The following LRPPRC variants were observed in gnomAD, a reference collection of about 807,000 sequenced individuals.
LRPPRC encodes leucine-rich PPR motif-containing protein, mitochondrial.
A neutral mutation model predicts 180.3 loss-of-function variants in LRPPRC; 120 were observed. The observed-to-expected ratio is 0.67, with a 90% CI of 0.57 to 0.77. LRPPRC has a LOEUF of 0.77. Among genes scored for constraint, LRPPRC ranks in the 30% least tolerant of loss-of-function variants. The pLI is 0.00. For synonymous variants in LRPPRC, 723 were observed against 600.0 expected (o/e 1.21, Z -3.00); for missense variants, 2,012 against 1,657.2 (o/e 1.21, Z -3.72).
intron 27 of LRPPRC, among the ~76,000 whole-genome samples, chr2:43,924,724 C>T (rs1004729241): frequency 6.6e-6 from 1 of 152,016 alleles, no homozygotes; most frequent in Non-Finnish European, 1.5e-5. Context: ...TGGTGGTTAC[C>T]TATTTATAAA....
At chr2:43,906,071 A>G (rs1360535961) in intron 30 of LRPPRC, among the ~76,000 whole-genome samples, 1 of 152,188 alleles carries the variant, frequency 6.6e-6, no homozygotes, top group Admixed American at 6.5e-5. Context: ...ATATTAGATG[A>G]CTAAAATAAC....
chr2:43,958,664 T>C lies in LRPPRC; in HGVS notation c.1583-1213A>G, dbSNP rs185331075. Among the ~76,000 whole-genome samples the C allele has an allele frequency of 2.0e-5, 3 of 152,294 alleles. No individual in the cohort carries two copies. In the East Asian group the frequency reaches 5.8e-4, roughly 29 times the overall value. On this transcript the variant is annotated intron_variant, in intron 13 of 37. Transcript: ENST00000260665. ...TAATTTCATGTGATCAAATTAGTTT[T>C]CCATGCCTACAAACACAAGTGGGAA...
intron 3 of LRPPRC, among the ~76,000 whole-genome samples, chr2:43,978,835 C>G (rs1674173868): frequency 6.6e-6 from 1 of 151,914 alleles, no homozygotes; most frequent in African/African-American, 2.4e-5. Flanking sequence ...TTCTTGGATT[C>G]TTTTCTCTAT....
intron 25 of LRPPRC, among the ~76,000 whole-genome samples, chr2:43,930,094 G>A (rs1435238554): frequency 6.6e-6 from 1 of 152,114 alleles, no homozygotes; most frequent in East Asian, 1.9e-4. Flanking sequence ...AAAAGGAAGA[G>A]TAACAAAGAC....
intron 34 of LRPPRC, among the ~76,000 whole-genome samples, chr2:43,897,802 T>A (rs894132722): frequency 6.6e-6 from 1 of 152,078 alleles, no homozygotes; most frequent in Non-Finnish European, 1.5e-5. Context: ...AAAACCTTGA[T>A]TATGGCAGAG....
At chr2:43,941,132 T>C (rs1012074367) in intron 23 of LRPPRC, among the ~76,000 whole-genome samples, 5 of 152,184 alleles carry the variant, frequency 3.3e-5, no homozygotes, top group Admixed American at 6.6e-5. Flanking sequence ...ATAAAAACAG[T>C]GTATTTTTTC....
At chr2:43,921,873 A>G (rs1020034890) in intron 27 of LRPPRC, among the ~76,000 whole-genome samples, 6 of 152,250 alleles carry the variant, frequency 3.9e-5, no homozygotes, top group African/African-American at 1.4e-4. Flanking sequence ...CTGAGGTTAT[A>G]CATACTTTTT....
Position 43,934,294 on chromosome 2 carries a change from T to C in LRPPRC, c.2632A>G (p.Met878Val), listed in dbSNP as rs755748535. ...CCTTGTTCTTGGCTCACAAAGTCCA[T>C]TGCTAGGTAGGAGAGAAAAAAATAT... ...KGETDLIQKA[M>V]DFVSQEQGEM... Residue 878 changes from methionine (M) to valine (V), a missense_variant and splice_region_variant, in exon 25 of 38, where the codon ATG becomes GTG. Physicochemically the swap from Met to Val is conservative, Grantham distance 21. Coordinates refer to ENST00000260665, the MANE Select transcript of LRPPRC (RefSeq NM_133259.4). 17 of 1,528,914 alleles carry C rather than the reference T, an allele frequency of 1.1e-5. No individual in the cohort carries two copies. Among genetic ancestry groups the C allele is most frequent in the Middle Eastern group, 1.8e-4 (1 of 5,706 alleles). 94.7% of individuals were successfully genotyped at this position (1,528,914 alleles called of 1,614,324 possible).
intron 1 of LRPPRC, among the ~76,000 whole-genome samples, chr2:43,992,921 C>T (rs1476787812): frequency 6.6e-6 from 1 of 151,956 alleles, no homozygotes; most frequent in Admixed American, 6.6e-5. Context: ...AAGTAATGCC[C>T]TGAAAAATGG....
chr2:43,950,596 T>C lies in LRPPRC; in HGVS notation c.1654A>G (p.Met552Val), dbSNP rs1558996550. The change falls in exon 15 of 38, where the codon ATG becomes GTG. Residue 552 changes from methionine (M) to valine (V), a missense_variant. By Grantham distance (21) the Met-to-Val change is conservative. Transcript: ENST00000260665. ...ACCTCGCTCCAAAGATTTATATTCATAGACCTGCAGAGGGCAGCAAAGGAT... is the reference window on the plus strand; with the variant it reads ...ACCTCGCTCCAAAGATTTATATTCACAGACCTGCAGAGGGCAGCAAAGGAT... ...SSLLLGFRRS[M>V]NINLWSEITE... 7.4e-6 allele frequency: 12 copies of C among 1,613,548 alleles called. No individual in the cohort carries two copies. The highest frequency in any genetic ancestry group is 2.2e-5 in the East Asian group (1 of 44,850).
rs1671300916 is a variant in LRPPRC at position 43,912,518 on chromosome 2, A to G, written c.3189T>C (p.Ile1063=). Residue 1063 remains isoleucine (I), a synonymous_variant, in exon 30 of 38, where the codon ATT becomes ATC. Transcript: ENST00000260665. ...TGCTGTAGGTTTCAGCATTAAACACAATGTTTTGCTCTTTTGCATTCAGGA... is the reference window on the plus strand; with the variant it reads ...TGCTGTAGGTTTCAGCATTAAACACGATGTTTTGCTCTTTTGCATTCAGGA... ...DIFLNAKEQN[I]VFNAETYSNL... is the part of the protein sequence containing the mutation. 5 of 1,606,116 alleles carry G rather than the reference A, an allele frequency of 3.1e-6. No homozygotes were observed. The highest frequency in any genetic ancestry group is 1.3e-5 in the African/African-American group (1 of 74,796).
Position 43,917,467 on chromosome 2 carries a change from A to G in LRPPRC, c.3148+558T>C, listed in dbSNP as rs905974856. Among the ~76,000 whole-genome samples, 11 of 151,956 alleles carry G rather than the reference A, an allele frequency of 7.2e-5. No homozygotes were observed. In the South Asian group the frequency reaches 1.9e-3, roughly 26 times the overall value. On this transcript the variant is annotated intron_variant, in intron 29 of 37. Transcript: ENST00000260665. ...CAGAACATTTCCCTATAAGTAAATC[A>G]TAATACCATTATCACATCTAATAAA...
chr2:43,984,081 A>C (rs1674425196), intron 1 of LRPPRC, among the ~76,000 whole-genome samples: 1 of 152,096 alleles, frequency 6.6e-6, no homozygotes, highest in Non-Finnish European at 1.5e-5. Flanking sequence ...TACCCTTAAA[A>C]TAATATTTAT....
chr2:43,986,123 C>T (rs1674516954), intron 1 of LRPPRC, among the ~76,000 whole-genome samples: 1 of 151,902 alleles, frequency 6.6e-6, no homozygotes, highest in Non-Finnish European at 1.5e-5. Context: ...GAAGTATTTT[C>T]TGCCCATTTT....
intron 27 of LRPPRC, among the ~76,000 whole-genome samples, chr2:43,919,617 A>G (rs1671625138): frequency 6.6e-6 from 1 of 152,206 alleles, no homozygotes. Context: ...TACAAATAGC[A>G]AAAACTCCAG....
chr2:43,916,924 G>A (rs1286918112), intron 29 of LRPPRC, among the ~76,000 whole-genome samples: 4 of 124,268 alleles, frequency 3.2e-5, no homozygotes, highest in Non-Finnish European at 6.3e-5. Context: ...CAGTCTGGGT[G>A]ACAGAGTGAG....
chr2:43,995,997 G>A (rs531426651), upstream of LRPPRC: 9 of 1,518,872 alleles, frequency 5.9e-6, no homozygotes, highest in Admixed American at 8.0e-5. Context: ...AAGGACAGGA[G>A]GAGCATGTGA....
rs1258963301 is a variant in LRPPRC at position 43,959,119 on chromosome 2, G to A, written c.1582+1422C>T. The A allele has an allele frequency of 1.8e-5, 12 of 683,496 alleles. No individual in the cohort carries two copies. The East Asian group carries it at 2.5e-4, about 14-fold the overall frequency. 42.3% of individuals were successfully genotyped at this position (683,496 alleles called of 1,614,324 possible). ...AAGAGGTTGACAACGAAGTGGAATGGATGATATGATAAAAGGAAAAGGCAG... is the reference window on the plus strand; with the variant it reads ...AAGAGGTTGACAACGAAGTGGAATGAATGATATGATAAAAGGAAAAGGCAG... On this transcript the variant is annotated intron_variant, in intron 13 of 37. Transcript: ENST00000260665.
intron 1 of LRPPRC, among the ~76,000 whole-genome samples, chr2:43,984,096 T>C (rs988453311): frequency 6.6e-6 from 1 of 152,088 alleles, no homozygotes; most frequent in Non-Finnish European, 1.5e-5. Context: ...ATTTATCCCT[T>C]ACTTCCAAAA....
Sources: allele counts gnomAD v4.1 joint callset (sites outside exome capture counted in the v4.1 genomes callset), GRCh38; gene constraint gnomAD v4.1.1; transcripts MANE v1.5; gene names NCBI Gene and HGNC (gene_info 2026-07-23, HGNC 2026-07-21).